DNAH10: variants seen among roughly 807,000 people sequenced by gnomAD.
DNAH10 encodes the protein axonemal beta dynein heavy chain 10.
A neutral mutation model predicts 506.6 loss-of-function variants in DNAH10; 348 were observed. The ratio of observed to expected loss-of-function variants is 0.69; its 90% CI spans 0.63 to 0.75. The LOEUF (loss-of-function observed/expected upper bound fraction) is 0.75. DNAH10 is among the 30% of genes least tolerant of loss of function. The pLI, the probability that DNAH10 is intolerant of heterozygous loss-of-function variation, is 0.00. For missense variants in DNAH10, 5,179 were observed against 5,787.1 expected, an observed-to-expected ratio of 0.89 and a Z score of 3.41; for synonymous variants, 2,059 against 2,198.6, an observed-to-expected ratio of 0.94 and a Z score of 1.78.
In DNAH10 at chr12:123,765,559, ATACTT is replaced by A. The variant is rs140558406; in HGVS notation, c.215-2044_215-2040del. ...TCCCTACCTTCCTATGCATCTATCT[ATACTT>A]TATCTATCTATCTATCTATCTATCT... On this transcript the variant is annotated intron_variant, in intron 1 of 78. Coordinates refer to ENST00000673944, the MANE Select transcript of DNAH10 (RefSeq NM_001372106.1). Among the ~76,000 whole-genome samples, 227 of 72,304 alleles carry A rather than the reference ATACTT, an allele frequency of 3.1e-3. 2 individuals carry two copies. Among genetic ancestry groups the A allele is most frequent in the African/African-American group, 0.017 (214 of 12,478 alleles). 47.4% of individuals were successfully genotyped at this position (72,304 alleles called of 152,430 possible). A position where few individuals can be genotyped will look rare whatever the true frequency, so the allele number is the denominator to read the frequency against.
chr12:123,923,178 C>A (rs998535837), intron 65 of DNAH10: 1 of 152,190 alleles, frequency 6.6e-6, no homozygotes, highest in African/African-American at 2.4e-5. Context: ...TAGAGGTTGG[C>A]AACCCCCTAG....
At chr12:123,851,804 T>C (rs1951188341) in intron 35 of DNAH10, among the ~76,000 whole-genome samples, 1 of 152,174 alleles carries the variant, frequency 6.6e-6, no homozygotes, top group Non-Finnish European at 1.5e-5. Context: ...GACAGGGTCT[T>C]ACTCTGTCAC....
Position 123,813,160 on chromosome 12 carries a change from C to T in DNAH10, c.3145-4C>T. 1 of 1,595,052 alleles carries T rather than the reference C, an allele frequency of 6.3e-7. No homozygotes were observed. Among genetic ancestry groups the T allele is most frequent in the Non-Finnish European group, 8.5e-7 (1 of 1,170,280 alleles). On this transcript the variant is annotated splice_region_variant and splice_polypyrimidine_tract_variant and intron_variant, in intron 19 of 78. Transcript: ENST00000673944. ...GTCTTTTCTCCTAATTCTTACTTTG[C>T]CAGCATTTTGTTCGTTGGATGAATG...
At chr12:123,915,736 T>C (rs1045509057) in intron 62 of DNAH10, among the ~76,000 whole-genome samples, 7 of 152,178 alleles carry the variant, frequency 4.6e-5, no homozygotes, top group Admixed American at 2.0e-4. Context: ...TATTCCGGTG[T>C]ATGAACAGAC....
At position 123,928,145 on chromosome 12, in the gene DNAH10, G is replaced by A. The variant is rs1955028505; in HGVS notation, c.12106-242G>A. The A allele has an allele frequency of 5.1e-6, 3 of 590,530 alleles. No individual in the cohort carries two copies. In the South Asian group the frequency reaches 6.1e-5, roughly 12 times the overall value. 36.6% of individuals were successfully genotyped at this position (590,530 alleles called of 1,614,324 possible). ...CTTCCAGGGCCAGGGAGGCAGATGA[G>A]TGCAAAATGCTCACCCATCTTCCAG... On this transcript the variant is annotated intron_variant, in intron 69 of 78. Coordinates refer to ENST00000673944, the MANE Select transcript of DNAH10 (RefSeq NM_001372106.1). The surrounding 1 kb of genome is among the most constrained non-coding windows in gnomAD (Gnocchi z 4.9).
Position 123,762,481 on chromosome 12 carries a change from G to GA in DNAH10, c.146dup (p.Glu50GlyfsTer23). ...CTTGCACTTCCTCAACCAGGCGAGC[G>GA]AGGAGGAGGGGCCCTCGGCGCTCTT... On this transcript the variant is annotated frameshift_variant, in exon 1 of 79. Coordinates refer to ENST00000673944, the MANE Select transcript of DNAH10 (RefSeq NM_001372106.1). LOFTEE classifies it high-confidence loss of function. This position sits in a 1 kb window ranked among gnomAD's most constrained non-coding sequence, Gnocchi z 5.0. 1 of 1,510,900 alleles carries GA rather than the reference G, an allele frequency of 6.6e-7. No individual in the cohort carries two copies. The highest frequency in any genetic ancestry group is 8.9e-7 in the Non-Finnish European group (1 of 1,125,408). The allele number at this position is 1,510,900 out of a possible 1,614,324, so 93.6% of individuals were successfully genotyped here. A position where few individuals can be genotyped will look rare whatever the true frequency, so the allele number is the denominator to read the frequency against.
At chr12:123,921,257 T>C (rs1325443828) in intron 65 of DNAH10, among the ~76,000 whole-genome samples, 1 of 152,124 alleles carries the variant, frequency 6.6e-6, no homozygotes, top group Non-Finnish European at 1.5e-5. Context: ...TTTCCTAGAG[T>C]ATGTAATCCT....
chr12:123,861,264 A>G (rs1951600843), intron 39 of DNAH10, 94 bp downstream of exon 39: 3 of 1,440,968 alleles, frequency 2.1e-6, no homozygotes, highest in Non-Finnish European at 1.9e-6. Flanking sequence ...TTGTAGCTTC[A>G]TGCTTGGATT....
At position 123,919,085 on chromosome 12, in the gene DNAH10, T is replaced by C. The variant is rs1954617966; in HGVS notation, c.11506+136T>C. The C allele has an allele frequency of 8.7e-7, 1 of 1,155,800 alleles. No individual in the cohort carries two copies. Among genetic ancestry groups the C allele is most frequent in the Non-Finnish European group, 1.1e-6 (1 of 870,276 alleles). 71.6% of individuals were successfully genotyped at this position (1,155,800 alleles called of 1,614,324 possible). A position where few individuals can be genotyped will look rare whatever the true frequency, so the allele number is the denominator to read the frequency against. ...TTTTTCTTTCTTTCTTTCTTTTTCT[T>C]TTTTTTTTGAGATAGGGTCTTGCTC... On this transcript the variant is annotated intron_variant, in intron 65 of 78. Coordinates refer to ENST00000673944, the MANE Select transcript of DNAH10 (RefSeq NM_001372106.1). The surrounding 1 kb of genome is among the most constrained non-coding windows in gnomAD (Gnocchi z 4.9).
chr12:123,902,497 G>A lies in DNAH10; in HGVS notation c.9641-442G>A, dbSNP rs1047496518. On this transcript the variant is annotated intron_variant, in intron 56 of 78. Transcript: ENST00000673944. This position sits in a 1 kb window ranked among gnomAD's most constrained non-coding sequence, Gnocchi z 4.5. The stretch of plus-strand genomic sequence containing the variant: ...CAAGTCAGCAAGGAAGGGAGAGAGA[G>A]GACGACAGAGGGGCAGGCTCCTTAG... Among the ~76,000 whole-genome samples, 3 of 152,208 alleles carry A rather than the reference G, an allele frequency of 2.0e-5. No individual in the cohort carries two copies. Among genetic ancestry groups the A allele is most frequent in the African/African-American group, 7.2e-5 (3 of 41,452 alleles).
At position 123,934,721 on chromosome 12, in the gene DNAH10, G is replaced by A. The variant is rs1313757898; in HGVS notation, c.13578G>A (p.Pro4526=). 6.2e-6 allele frequency: 10 copies of A among 1,613,790 alleles called. No individual in the cohort carries two copies. The East Asian group carries it at 6.7e-5, about 11-fold the overall frequency. ...CCAAGGTGCTGGTTGTGGACCTGCC[G>A]ATCCTGAAGATCATCCCCATTGAAG... ...SKPKVLVVDL[P]ILKIIPIEAH... The change falls in exon 78 of 79, where the codon CCG becomes CCA. Residue 4526 remains proline, a synonymous_variant. Transcript: ENST00000673944.
rs532981261 is a variant in DNAH10, at chr12:123,776,636, TAA to T, written c.621+2385_621+2386del. ...GGGTGACAGAGAGATATTCCATCTC[TAA>T]AAAAAAAAAAAAGAAAAATAAATTA... On this transcript the variant is annotated intron_variant, in intron 5 of 78. Coordinates refer to ENST00000673944, the MANE Select transcript of DNAH10 (RefSeq NM_001372106.1). Among the ~76,000 whole-genome samples the T allele has an allele frequency of 5.2e-3, 680 of 130,012 alleles. 6 individuals are homozygous for T. The highest frequency in any genetic ancestry group is 0.017 in the African/African-American group (630 of 36,070). The allele number at this position is 130,012 out of a possible 152,430, so 85.3% of individuals were successfully genotyped here. A position where few individuals can be genotyped will look rare whatever the true frequency, so the allele number is the denominator to read the frequency against.
chr12:123,891,925 T>A (rs1953000675), intron 52 of DNAH10, among the ~76,000 whole-genome samples: 1 of 152,198 alleles, frequency 6.6e-6, no homozygotes, highest in East Asian at 1.9e-4. Context: ...CAGGACATGC[T>A]TAATCCCCCA....
chr12:123,906,556 T>G (rs542618337), intron 57 of DNAH10, among the ~76,000 whole-genome samples: 20 of 152,256 alleles, frequency 1.3e-4, no homozygotes, highest in Non-Finnish European at 2.6e-4. Context: ...TTGTGGCTTT[T>G]GGATATTGTG....
chr12:123,875,463 A>G lies in DNAH10; in HGVS notation c.8171A>G (p.Tyr2724Cys). 1 of 1,613,910 alleles carries G rather than the reference A, an allele frequency of 6.2e-7. No homozygotes were observed. Among genetic ancestry groups the G allele is most frequent in the Admixed American group, 1.7e-5 (1 of 60,008 alleles). ...FPSEESLHLI[Y>C]SSILKGHTST... ...TCAGAGGAGTCTCTGCATTTAATTTATTCCTCCATCCTGAAAGGCCACACC... is the reference window on the plus strand; with the variant it reads ...TCAGAGGAGTCTCTGCATTTAATTTGTTCCTCCATCCTGAAAGGCCACACC... Residue 2724 changes from tyrosine to cysteine, a missense_variant, in exon 47 of 79, where the codon TAT (tyrosine) becomes TGT (cysteine). Physicochemically the swap from Tyr to Cys is radical, Grantham distance 194 (BLOSUM62 -2). Around this residue, in one of 3 missense-constraint regions of DNAH10, gnomAD observed 4,844 missense variants for 5,430.5 expected, o/e 0.89. Coordinates refer to ENST00000673944, the MANE Select transcript of DNAH10 (RefSeq NM_001372106.1).
chr12:123,864,813 G>T (rs1951741547), intron 40 of DNAH10, 83 bp downstream of exon 40: 2 of 1,463,118 alleles, frequency 1.4e-6, no homozygotes. Context: ...AGTAGTAAAT[G>T]TAGATGATTA....
At chr12:123,932,910 A>G (rs1381346724) in intron 76 of DNAH10, among the ~76,000 whole-genome samples, 2 of 152,240 alleles carry the variant, frequency 1.3e-5, no homozygotes, top group Non-Finnish European at 2.9e-5. Context: ...TTGCAAATCA[A>G]AGAAATTAGC....
At chr12:123,856,645 T>A (rs1951403240) in intron 36 of DNAH10, among the ~76,000 whole-genome samples, 1 of 150,524 alleles carries the variant, frequency 6.6e-6, no homozygotes, top group Non-Finnish European at 1.5e-5. Flanking sequence ...TATGTGTATA[T>A]TATATAATAT....
At chr12:123,869,838 A>T (rs1389730888) in intron 43 of DNAH10, among the ~76,000 whole-genome samples, 4 of 152,112 alleles carry the variant, frequency 2.6e-5, no homozygotes, top group Non-Finnish European at 4.4e-5. Context: ...AGCGGAGGCG[A>T]TGGTGATTAC....
Sources: gnomAD v4.1 joint callset for allele counts (sites outside exome capture counted in the v4.1 genomes callset) on GRCh38, gnomAD v4.1.1 for gene constraint, gnomAD v4.1.1 regional missense constraint, Gnocchi (gnomAD v3.1) non-coding constraint, MANE v1.5 for transcripts, NCBI Gene and HGNC (gene_info 2026-07-23, HGNC 2026-07-21) for gene names.